Variants in CTIF observed in about 807,000 individuals in gnomAD.
CTIF encodes the protein cap binding complex dependent translation initiation factor, also known as CBP80/20-dependent translation initiation factor.
Under a neutral mutation model 66.0 loss-of-function variants are expected in CTIF, and 21 were observed. The ratio of observed to expected loss-of-function variants is 0.32; its 90% confidence interval spans 0.23 to 0.46. The LOEUF (loss-of-function observed/expected upper bound fraction) is 0.46. Among genes scored for constraint, CTIF ranks in the 20% least tolerant of loss-of-function variants. The pLI, the probability that CTIF is intolerant of heterozygous loss-of-function variation, is 1.00. For missense variants in CTIF, 739 were observed against 812.7 expected (o/e 0.91, Z 1.10); for synonymous variants, 345 against 326.4 (o/e 1.06, Z -0.62).
At chr18:48,728,290 G>C (rs1292993568) in intron 7 of CTIF, among the ~76,000 whole-genome samples, 2 of 152,092 alleles carry the variant, frequency 1.3e-5, no homozygotes, top group African/African-American at 4.8e-5. Context: ...ACCCCAGAAT[G>C]CTTCTGGCTC....
chr18:48,568,975 G>T (rs774114766), intron 1 of CTIF, among the ~76,000 whole-genome samples: 2 of 152,240 alleles, frequency 1.3e-5, no homozygotes, highest in South Asian at 2.1e-4. Context: ...CAGATCAGTT[G>T]CTCTCTTCTG....
intron 10 of CTIF, among the ~76,000 whole-genome samples, chr18:48,819,032 C>T (rs2068428047): frequency 6.6e-6 from 1 of 152,182 alleles, no homozygotes; most frequent in Non-Finnish European, 1.5e-5. Flanking sequence ...GTTTTTGAAG[C>T]ATCCGTTTAT....
intron 7 of CTIF, among the ~76,000 whole-genome samples, chr18:48,743,680 G>A (rs774648932): frequency 1.1e-4 from 16 of 152,138 alleles, no homozygotes; most frequent in Admixed American, 4.6e-4. Context: ...ATTAAAGATC[G>A]GGTTAAACAC....
intron 1 of CTIF, among the ~76,000 whole-genome samples, chr18:48,582,041 T>A (rs1268414904): frequency 6.6e-6 from 1 of 151,774 alleles, no homozygotes; most frequent in African/African-American, 2.4e-5. Context: ...GTATTCTCCC[T>A]GAGGGACCTC....
chr18:48,575,096 G>A (rs1488573659), intron 1 of CTIF, among the ~76,000 whole-genome samples: 3 of 152,358 alleles, frequency 2.0e-5, no homozygotes, highest in African/African-American at 7.2e-5. Flanking sequence ...CCTGGGGGCA[G>A]GGTCCAGGGT....
chr18:48,550,814 A>G (rs1302875158), intron 1 of CTIF, among the ~76,000 whole-genome samples: 1 of 152,104 alleles, frequency 6.6e-6, no homozygotes, highest in Non-Finnish European at 1.5e-5. Flanking sequence ...TCCATGCTTC[A>G]TGGAAAAAAA....
chr18:48,722,801 C>T (rs1422468271), intron 7 of CTIF, among the ~76,000 whole-genome samples: 2 of 152,126 alleles, frequency 1.3e-5, no homozygotes, highest in African/African-American at 2.4e-5. Flanking sequence ...AGCACCCGGC[C>T]ATACCCATCG....
At chr18:48,812,256 G>A (rs1043359980) in intron 9 of CTIF, among the ~76,000 whole-genome samples, 6 of 152,120 alleles carry the variant, frequency 3.9e-5, no homozygotes, top group South Asian at 2.1e-4. Context: ...GAGCCACCGC[G>A]CCCAGCTGGC....
chr18:48,561,588 C>T (rs1381260919), intron 1 of CTIF, among the ~76,000 whole-genome samples: 1 of 152,180 alleles, frequency 6.6e-6, no homozygotes, highest in African/African-American at 2.4e-5. Flanking sequence ...ACACTCCATC[C>T]CTGTGCCCCA....
intron 2 of CTIF, among the ~76,000 whole-genome samples, chr18:48,635,852 C>T (rs530897608): frequency 3.9e-4 from 60 of 152,350 alleles, no homozygotes; most frequent in Middle Eastern, 6.8e-3. Flanking sequence ...GCATGGCTCT[C>T]CTCATTTTAT....
intron 9 of CTIF, among the ~76,000 whole-genome samples, chr18:48,782,858 G>A (rs751026988): frequency 1.7e-4 from 26 of 152,238 alleles, no homozygotes; most frequent in Non-Finnish European, 1.5e-4. Flanking sequence ...CACGCCTGTG[G>A]CCCGGGGCAG....
chr18:48,595,285 G>A (rs1276620392), intron 1 of CTIF, among the ~76,000 whole-genome samples: 1 of 152,208 alleles, frequency 6.6e-6, no homozygotes, highest in African/African-American at 2.4e-5. Flanking sequence ...GGGACTGAGA[G>A]CAAAGGGGAG....
rs183905668 is a variant in CTIF, at chr18:48,605,125, T to G, written c.-28-14413T>G. On this transcript the variant is annotated intron_variant, in intron 1 of 11. Transcript: ENST00000256413. The stretch of plus-strand genomic sequence containing the variant: ...TTTATGTAGACATGTGTTTTCATTT[T>G]TCTCAGGTATATACCTGGAGTGGAA... Among the ~76,000 whole-genome samples the G allele has an allele frequency of 4.5e-4, 69 of 152,366 alleles. 1 individual carries two copies. Among genetic ancestry groups the G allele is most frequent in the African/African-American group, 1.6e-3 (65 of 41,592 alleles).
chr18:48,575,218 G>C (rs955649486), intron 1 of CTIF, among the ~76,000 whole-genome samples: 1 of 152,120 alleles, frequency 6.6e-6, no homozygotes, highest in African/African-American at 2.4e-5. Flanking sequence ...AATTTACCAG[G>C]GACTTTACAT....
At chr18:48,539,850 G>T (rs1007703970) in intron 1 of CTIF, 1 of 152,726 alleles carries the variant, frequency 6.5e-6, no homozygotes, top group African/African-American at 2.4e-5. Context: ...CCCGTCTCGG[G>T]GTGGCGTTTG....
At chr18:48,799,993 T>C (rs747709037) in intron 9 of CTIF, among the ~76,000 whole-genome samples, 3 of 152,190 alleles carry the variant, frequency 2.0e-5, no homozygotes, top group Non-Finnish European at 4.4e-5. Context: ...GTGGAGGGCC[T>C]ACTTAGAGAA....
At chr18:48,746,498 A>G (rs540875387) in intron 7 of CTIF, among the ~76,000 whole-genome samples, 14 of 151,288 alleles carry the variant, frequency 9.3e-5, no homozygotes, top group Non-Finnish European at 1.9e-4. Context: ...CAGATGCGGC[A>G]CTATGATGGT....
intron 1 of CTIF, among the ~76,000 whole-genome samples, chr18:48,581,248 T>G (rs2089650550): frequency 6.6e-6 from 1 of 152,064 alleles, no homozygotes; most frequent in South Asian, 2.1e-4. Context: ...GTTGTTGTTG[T>G]TAGATTCCTG....
At chr18:48,782,017 C>T (rs1469837416) in intron 9 of CTIF, among the ~76,000 whole-genome samples, 1 of 151,974 alleles carries the variant, frequency 6.6e-6, no homozygotes, top group Non-Finnish European at 1.5e-5. Context: ...TGATTAAAGA[C>T]CTGCCTTAGA....
Sources: allele counts gnomAD v4.1 joint callset (sites outside exome capture counted in the v4.1 genomes callset), GRCh38; gene constraint gnomAD v4.1.1; transcripts MANE v1.5; gene names NCBI Gene and HGNC (gene_info 2026-07-23, HGNC 2026-07-21).